Variants in NALF1 observed in about 807,000 individuals in gnomAD.
The protein encoded by NALF1 is family with sequence similarity 155 member A.
A neutral mutation model predicts 48.4 loss-of-function variants in NALF1; 3 were observed. The ratio of observed to expected loss-of-function variants is 0.06; its 90% confidence interval spans 0.03 to 0.16. The LOEUF is 0.16. Among genes scored for constraint, NALF1 ranks in the 10% least tolerant of loss-of-function variants. The pLI is 1.00. For missense variants in NALF1, 526 were observed against 571.5 expected, an observed-to-expected ratio of 0.92 and a Z score of 0.81; for synonymous variants, 262 against 245.7, an observed-to-expected ratio of 1.07 and a Z score of -0.62.
At chr13:107,368,320 CTT>C (rs35618769) in intron 1 of NALF1, among the ~76,000 whole-genome samples, 2 of 145,928 alleles carry the variant, frequency 1.4e-5, no homozygotes, top group Non-Finnish European at 1.5e-5. Context: ...CACATAAATA[CTT>C]TTTTTTTTTT....
chr13:107,594,480 T>C (rs1878688299), intron 1 of NALF1, among the ~76,000 whole-genome samples: 1 of 152,034 alleles, frequency 6.6e-6, no homozygotes, highest in Non-Finnish European at 1.5e-5. Flanking sequence ...CCTGTGTCCC[T>C]GTGTGCAGGT....
chr13:107,534,162 T>C (rs934810782), intron 1 of NALF1, among the ~76,000 whole-genome samples: 1 of 152,074 alleles, frequency 6.6e-6, no homozygotes, highest in Non-Finnish European at 1.5e-5. Flanking sequence ...CCCAGACCTA[T>C]GAAATCAGAA....
Position 107,362,931 on chromosome 13 carries a change from T to C in NALF1, c.916-152176A>G, listed in dbSNP as rs1273671219. Among the ~76,000 whole-genome samples, 1 of 152,116 alleles carries C rather than the reference T, an allele frequency of 6.6e-6. No homozygotes were observed. Among genetic ancestry groups the C allele is most frequent in the East Asian group, 1.9e-4 (1 of 5,174 alleles). ...GGTAGAAACTATCTTCTTATATCCC[T>C]TTTCATAGAACTATGATGTCCCCAA... On this transcript the variant is annotated intron_variant, in intron 1 of 2. Coordinates refer to ENST00000375915, the MANE Select transcript of NALF1 (RefSeq NM_001080396.3). This position sits in a 1 kb window ranked among gnomAD's most constrained non-coding sequence, Gnocchi z 4.6.
intron 1 of NALF1, among the ~76,000 whole-genome samples, chr13:107,507,001 T>C (rs370496116): frequency 1.6e-3 from 243 of 152,244 alleles, no homozygotes; most frequent in South Asian, 2.1e-3. Context: ...GGAAAAATTA[T>C]CTTCTTTTAC....
At chr13:107,640,207 T>C (rs1351262213) in intron 1 of NALF1, among the ~76,000 whole-genome samples, 1 of 152,106 alleles carries the variant, frequency 6.6e-6, no homozygotes, top group Non-Finnish European at 1.5e-5. Context: ...TTAAAGGTTA[T>C]AAACAAATTC....
chr13:107,314,840 G>A lies in NALF1; in HGVS notation c.916-104085C>T, dbSNP rs917591693. Among the ~76,000 whole-genome samples the A allele has an allele frequency of 5.5e-4, 84 of 152,270 alleles. 2 individuals carry two copies. Among genetic ancestry groups the A allele is most frequent in the Admixed American group, 5.4e-3 (83 of 15,266 alleles). On this transcript the variant is annotated intron_variant, in intron 1 of 2. Coordinates refer to ENST00000375915, the MANE Select transcript of NALF1 (RefSeq NM_001080396.3). ...GGCACTTGAGAAGATTAGCTGAATT[G>A]AGAAATGAACTGACGAGTGAAAGCT...
intron 1 of NALF1, among the ~76,000 whole-genome samples, chr13:107,481,849 GT>G (rs1885259209): frequency 6.6e-6 from 1 of 152,146 alleles, no homozygotes; most frequent in Admixed American, 6.6e-5. Context: ...GTCTTTAAGT[GT>G]TTTTACCCGA....
At chr13:107,311,562 T>G (rs1882046605) in intron 1 of NALF1, among the ~76,000 whole-genome samples, 1 of 150,414 alleles carries the variant, frequency 6.6e-6, no homozygotes, top group Admixed American at 6.6e-5. Context: ...ATTTAATAAA[T>G]GATATAATAT....
intron 1 of NALF1, among the ~76,000 whole-genome samples, chr13:107,731,320 T>A (rs576675348): frequency 6.6e-6 from 1 of 152,324 alleles, no homozygotes; most frequent in African/African-American, 2.4e-5. Context: ...AGCTTTTATA[T>A]ATATGTTCAT....
At chr13:107,525,588 TTGG>T (rs2139101135) in intron 1 of NALF1, among the ~76,000 whole-genome samples, 1 of 152,214 alleles carries the variant, frequency 6.6e-6, no homozygotes, top group South Asian at 2.1e-4. Flanking sequence ...TGTACAAACT[TTGG>T]TATAAACATA....
chr13:107,318,081 G>A (rs146004855), intron 1 of NALF1, among the ~76,000 whole-genome samples: 12 of 152,110 alleles, frequency 7.9e-5, no homozygotes, highest in East Asian at 3.9e-4. Context: ...AAGGAGATAC[G>A]ACTGAGCATA....
chr13:107,700,607 C>T (rs903727240), intron 1 of NALF1, among the ~76,000 whole-genome samples: 3 of 151,888 alleles, frequency 2.0e-5, no homozygotes, highest in African/African-American at 4.8e-5. Flanking sequence ...AAGTTCAGTC[C>T]ACGAAAGCAA....
chr13:107,419,100 T>C (rs1379723089), intron 1 of NALF1, among the ~76,000 whole-genome samples: 2 of 152,240 alleles, frequency 1.3e-5, no homozygotes, highest in African/African-American at 2.4e-5. Context: ...TGGCCTCACA[T>C]ACAAAGTGCA....
intron 1 of NALF1, among the ~76,000 whole-genome samples, chr13:107,429,315 T>G (rs1447863503): frequency 2.1e-5 from 3 of 139,960 alleles, no homozygotes; most frequent in Non-Finnish European, 4.6e-5. Flanking sequence ...AGAGTAAAAC[T>G]CAGTCTGAAA....
At position 107,288,823 on chromosome 13, in the gene NALF1, G is replaced by T. The variant is rs186022132; in HGVS notation, c.916-78068C>A. ...GCTGGGATTACAGGTGGGAGCCACC[G>T]CGCCCAGCCCAGAAAACATTTTTTA... On this transcript the variant is annotated intron_variant, in intron 1 of 2. Transcript: ENST00000375915. 3.2e-3 allele frequency among the ~76,000 whole-genome samples: 480 copies of T among 152,144 alleles called. 3 individuals are homozygous for T. Among genetic ancestry groups the T allele is most frequent in the African/African-American group, 0.011 (464 of 41,464 alleles).
intron 1 of NALF1, among the ~76,000 whole-genome samples, chr13:107,784,834 CTG>C (rs1284054478): frequency 2.0e-5 from 3 of 152,136 alleles, no homozygotes; most frequent in Non-Finnish European, 4.4e-5. Flanking sequence ...CTATGGAAAA[CTG>C]TGTGGAGATT....
intron 1 of NALF1, among the ~76,000 whole-genome samples, chr13:107,536,285 C>T (rs930803564): frequency 1.3e-5 from 2 of 150,138 alleles, no homozygotes; most frequent in African/African-American, 2.5e-5. Context: ...TCAGAGTGAA[C>T]AGGCAACCTA....
chr13:107,203,216 G>GA (rs1351711517), intron 2 of NALF1, among the ~76,000 whole-genome samples: 1 of 152,180 alleles, frequency 6.6e-6, no homozygotes, highest in African/African-American at 2.4e-5. Context: ...TTCCTAAACT[G>GA]ACATTCCAGA....
intron 1 of NALF1, among the ~76,000 whole-genome samples, chr13:107,384,074 T>C (rs1883484930): frequency 6.6e-6 from 1 of 151,894 alleles, no homozygotes; most frequent in African/African-American, 2.4e-5. Context: ...CAATGCAAGG[T>C]CCCATCTCTA....
Sources: gnomAD v4.1 joint callset for allele counts (sites outside exome capture counted in the v4.1 genomes callset) on GRCh38, gnomAD v4.1.1 for gene constraint, Gnocchi (gnomAD v3.1) non-coding constraint, MANE v1.5 for transcripts, NCBI Gene and HGNC (gene_info 2026-07-23, HGNC 2026-07-21) for gene names.